Variants in LRRIQ1 observed in about 807,000 individuals in gnomAD.
LRRIQ1 encodes leucine-rich repeat- and IQ domain-containing protein 1.
Under a neutral mutation model 211.9 loss-of-function variants are expected in LRRIQ1, and 210 were observed. The ratio of observed to expected loss-of-function variants is 0.99; its 90% CI spans 0.89 to 1.11. LRRIQ1 has a LOEUF of 1.11. Among genes scored for constraint, LRRIQ1 ranks in the 50% most tolerant of loss-of-function variants. The probability of loss-of-function intolerance (pLI) is 0.00; values close to 1 mark genes in which losing one functional copy is unlikely to be tolerated. For synonymous variants in LRRIQ1, 699 were observed against 650.1 expected (o/e 1.08, Z -1.14); for missense variants, 2,136 against 1,939.5 (o/e 1.10, Z -1.90).
rs780435471 is a variant in LRRIQ1, at chr12:85,065,284, A to C, written c.2414A>C (p.Asp805Ala). The C allele has an allele frequency of 9.9e-6, 16 of 1,609,386 alleles. No individual in the cohort carries two copies. Among genetic ancestry groups the C allele is most frequent in the Non-Finnish European group, 1.4e-5 (16 of 1,177,424 alleles). Residue 805 changes from aspartate to alanine, a missense_variant, in exon 9 of 27, where the codon GAT becomes GCT. Transcript: ENST00000393217. Reference sequence around the variant, plus strand: ...TAGGTTACAACAGTTACATTTCAAGATTTGCCAGGCTGTGTTCTCTCCACA... The same window carrying C: ...TAGGTTACAACAGTTACATTTCAAGCTTTGCCAGGCTGTGTTCTCTCCACA... Reference protein sequence around the residue: ...LQQVTTVTFQDLPGCVLSTLA... With the variant: ...LQQVTTVTFQALPGCVLSTLA...
chr12:85,263,200 T>C, exon 2 of LRRIQ1: 1 of 341,672 alleles, frequency 2.9e-6, no homozygotes, highest in Non-Finnish European at 4.2e-6. Context: ...AAGTTTGTTT[T>C]CTAGTGGAGC....
Position 85,106,589 on chromosome 12 carries a change from C to T in LRRIQ1, c.3351C>T (p.Asn1117=), listed in dbSNP as rs747394148. 1.9e-6 allele frequency: 3 copies of T among 1,611,972 alleles called. No individual in the cohort carries two copies. In the African/African-American group the frequency reaches 4.0e-5, roughly 22 times the overall value. Residue 1117 remains asparagine (N), a synonymous_variant, in exon 15 of 27, where the codon AAC becomes AAT. Coordinates refer to ENST00000393217, the MANE Select transcript of LRRIQ1 (RefSeq NM_001079910.2). The part of the protein sequence containing the change: ...YSLHELSLTG[N]PLLQETNWRD... ...TCCATGAATTGTCTCTTACTGGAAA[C>T]CCACTTCTTCAAGAAACAAACTGGA...
intron 24 of LRRIQ1, among the ~76,000 whole-genome samples, chr12:85,210,865 A>G (rs367923805): frequency 1.3e-5 from 2 of 152,194 alleles, no homozygotes; most frequent in African/African-American, 2.4e-5. Context: ...TCAGCACTAT[A>G]AAGATAATGT....
At chr12:85,078,005 A>G (rs1883851411) in intron 11 of LRRIQ1, among the ~76,000 whole-genome samples, 1 of 150,826 alleles carries the variant, frequency 6.6e-6, no homozygotes, top group African/African-American at 2.4e-5. Context: ...AAAAAAATTG[A>G]TTAAAGACAA....
intron 3 of LRRIQ1, among the ~76,000 whole-genome samples, chr12:85,041,020 A>C (rs1218499436): frequency 6.6e-6 from 1 of 151,658 alleles, no homozygotes; most frequent in Non-Finnish European, 1.5e-5. Context: ...TCTAAGACTA[A>C]TGGAAAGATC....
At position 85,126,742 on chromosome 12, in the gene LRRIQ1, T is replaced by A. The variant is rs559712097; in HGVS notation, c.4008-1090T>A. On this transcript the variant is annotated intron_variant, in intron 17 of 26. Transcript: ENST00000393217. ...ATGGGGATGATGATGTTAACAATGA[T>A]GATGATAGTAATACCGATAATAAGC... is the stretch of plus-strand genomic sequence containing the variant. Among the ~76,000 whole-genome samples, 5 of 152,108 alleles carry A rather than the reference T, an allele frequency of 3.3e-5. No individual in the cohort carries two copies. In the South Asian group the frequency reaches 8.3e-4, roughly 25 times the overall value.
rs374288998 is a variant in LRRIQ1, at chr12:85,124,077, T to C, written c.3565T>C (p.Phe1189Leu). The change falls in exon 17 of 27, where the codon TTT becomes CTT. Residue 1189 changes from phenylalanine (F) to leucine (L), a missense_variant. Phe to Leu is a conservative substitution (Grantham distance 22). Transcript: ENST00000393217. ...ENYITGKGDV[F>L]TLDTAENLCH... ...CATCATTTATTTGTTCAGAGATGTA[T>C]TTACCTTGGATACTGCAGAAAATCT... is the stretch of plus-strand genomic sequence containing the variant. 7 of 1,603,166 alleles carry C rather than the reference T, an allele frequency of 4.4e-6. No individual in the cohort carries two copies. The African/African-American group carries it at 9.4e-5, about 21-fold the overall frequency.
intron 24 of LRRIQ1, among the ~76,000 whole-genome samples, chr12:85,198,075 T>C (rs1592957708): frequency 9.0e-6 from 1 of 110,636 alleles, no homozygotes; most frequent in Non-Finnish European, 1.7e-5. Context: ...ATATTATTTA[T>C]ATATAATTTA....
At chr12:85,257,036 T>TATTATATAATTATATATATA in intron 1 of LRRIQ1, among the ~76,000 whole-genome samples, 1 of 100,214 alleles carries the variant, frequency 1.0e-5, no homozygotes, top group Non-Finnish European at 2.0e-5. Flanking sequence ...ATATAATATA[T>TATTATATAATTATATATATA]ATTATATAAT....
chr12:85,254,885 C>A (rs1319106759), intron 1 of LRRIQ1, among the ~76,000 whole-genome samples: 1 of 151,912 alleles, frequency 6.6e-6, no homozygotes, highest in Non-Finnish European at 1.5e-5. Context: ...TTACAAAGAA[C>A]TTGAGGAGTG....
chr12:85,267,587 G>A (rs1896450462), downstream of LRRIQ1, among the ~76,000 whole-genome samples: 1 of 152,006 alleles, frequency 6.6e-6, no homozygotes, highest in Non-Finnish European at 1.5e-5. Context: ...CAAAGCTCAT[G>A]TATCAGTGGA....
intron 24 of LRRIQ1, among the ~76,000 whole-genome samples, chr12:85,169,791 T>C (rs183430428): frequency 1.3e-5 from 2 of 152,280 alleles, no homozygotes; most frequent in Admixed American, 6.5e-5. Flanking sequence ...TACTTATATA[T>C]TGTGGCTCCA....
At chr12:85,114,372 G>T (rs1214898556) in intron 15 of LRRIQ1, among the ~76,000 whole-genome samples, 4 of 152,090 alleles carry the variant, frequency 2.6e-5, no homozygotes, top group Admixed American at 6.6e-5. Flanking sequence ...GAGCAAAAAT[G>T]ACATGAATTA....
At chr12:85,133,284 A>G (rs978343124) in intron 18 of LRRIQ1, among the ~76,000 whole-genome samples, 3 of 152,106 alleles carry the variant, frequency 2.0e-5, no homozygotes, top group Admixed American at 2.0e-4. Context: ...AGAATTTTGT[A>G]GGTTGGGTAA....
At chr12:85,162,559 TG>T (rs1194355379) in intron 24 of LRRIQ1, among the ~76,000 whole-genome samples, 2 of 152,170 alleles carry the variant, frequency 1.3e-5, no homozygotes, top group Non-Finnish European at 2.9e-5. Context: ...CATCCTATCT[TG>T]TTCTATTAAA....
intron 13 of LRRIQ1, among the ~76,000 whole-genome samples, chr12:85,099,850 C>T (rs73180592): frequency 0.032 from 4,816 of 151,800 alleles, 153 homozygotes; most frequent in Admixed American, 0.089. Flanking sequence ...CAGGCATATA[C>T]TAAATGACTT....
At chr12:85,116,404 A>T (rs1887582422) in intron 15 of LRRIQ1, among the ~76,000 whole-genome samples, 1 of 152,058 alleles carries the variant, frequency 6.6e-6, no homozygotes, top group African/African-American at 2.4e-5. Context: ...TCGGCCTCCC[A>T]AAGTGCTGGG....
intron 24 of LRRIQ1, chr12:85,162,946 A>G (rs771992283): frequency 2.5e-5 from 9 of 361,830 alleles, no homozygotes; most frequent in Non-Finnish European, 4.3e-5. Flanking sequence ...TTAACAGTTA[A>G]TATGTTTATT....
intron 19 of LRRIQ1, among the ~76,000 whole-genome samples, chr12:85,150,038 C>T (rs2136652473): frequency 6.6e-6 from 1 of 151,738 alleles, no homozygotes; most frequent in African/African-American, 2.4e-5. Flanking sequence ...TCTTGTCCTG[C>T]TGAAGAGAGA....
Sources: allele counts gnomAD v4.1 joint callset (sites outside exome capture counted in the v4.1 genomes callset), GRCh38; gene constraint gnomAD v4.1.1; transcripts MANE v1.5; gene names NCBI Gene and HGNC (gene_info 2026-07-23, HGNC 2026-07-21).